B3GALT1: variants seen among roughly 807,000 people sequenced by gnomAD.
The protein encoded by B3GALT1 is UDP-Gal:betaGlcNAc beta 1,3-galactosyltransferase, polypeptide 1.
A neutral mutation model predicts 23.2 loss-of-function variants in B3GALT1; 10 were observed. That is an observed-to-expected ratio of 0.43 (90% confidence interval 0.27 to 0.73). B3GALT1 has a LOEUF of 0.73. Ranked by LOEUF, B3GALT1 falls within the 30% of genes least tolerant of loss-of-function variation. B3GALT1 has a pLI of 0.21. For missense variants in B3GALT1, 299 were observed against 405.4 expected, an observed-to-expected ratio of 0.74 and a Z score of 2.25; for synonymous variants, 156 against 141.5, an observed-to-expected ratio of 1.10 and a Z score of -0.73.
rs184577372 is a variant in B3GALT1 at position 167,865,543 on chromosome 2, G to C, written c.-229-3268G>C. Among the ~76,000 whole-genome samples the C allele has an allele frequency of 3.6e-3, 544 of 152,328 alleles. 6 individuals carry two copies. The highest frequency in any genetic ancestry group is 0.012 in the African/African-American group (516 of 41,572). On this transcript the variant is annotated intron_variant, in intron 4 of 4. Coordinates refer to ENST00000392690, the MANE Select transcript of B3GALT1 (RefSeq NM_020981.4). ...ACAGTGGCTCACGCCTGTAATCCCA[G>C]CATTCTGGGAGGCCGAGGCGGGCAG...
chr2:167,731,061 A>G (rs1474794773), intron 3 of B3GALT1, among the ~76,000 whole-genome samples: 1 of 152,184 alleles, frequency 6.6e-6, no homozygotes, highest in Non-Finnish European at 1.5e-5. Flanking sequence ...ACTTGAACCC[A>G]GGAAACATGG....
chr2:167,548,656 C>T (rs75181401), intron 2 of B3GALT1, among the ~76,000 whole-genome samples: 3,722 of 150,062 alleles, frequency 0.025, 167 homozygotes, highest in East Asian at 0.18. Flanking sequence ...CCATACCAGC[C>T]CTGGATTGCC....
chr2:167,368,056 A>G (rs911599492), intron 1 of B3GALT1, among the ~76,000 whole-genome samples: 2 of 152,240 alleles, frequency 1.3e-5, no homozygotes, highest in African/African-American at 4.8e-5. Context: ...CTAAAAAGCA[A>G]GAGGACCAAA....
At chr2:167,314,762 C>G (rs540108257) in intron 1 of B3GALT1, among the ~76,000 whole-genome samples, 1 of 152,154 alleles carries the variant, frequency 6.6e-6, no homozygotes, top group East Asian at 1.9e-4. Context: ...AATAATGACT[C>G]TATTTTGTAT....
At chr2:167,376,619 T>G (rs1218228369) in intron 1 of B3GALT1, among the ~76,000 whole-genome samples, 1 of 152,078 alleles carries the variant, frequency 6.6e-6, no homozygotes, top group Middle Eastern at 3.2e-3. Context: ...TCTTCTAGTT[T>G]GTGTGTGTAG....
intron 2 of B3GALT1, among the ~76,000 whole-genome samples, chr2:167,516,356 GTTTTGTTTTTGCTTTTGT>G: frequency 6.6e-6 from 1 of 152,002 alleles, no homozygotes; most frequent in East Asian, 1.9e-4. Context: ...ATAAACCTGA[GTTTTGTTTTTGCTTTTGT>G]TTTTGTTTTG....
chr2:167,504,778 G>C (rs1699896321), intron 2 of B3GALT1, among the ~76,000 whole-genome samples: 1 of 152,160 alleles, frequency 6.6e-6, no homozygotes, highest in South Asian at 2.1e-4. Context: ...ATTGCCTATA[G>C]TATTTAGTAC....
At chr2:167,507,504 CAAAAA>C (rs60408245) in intron 2 of B3GALT1, among the ~76,000 whole-genome samples, 4 of 26,610 alleles carry the variant, frequency 1.5e-4, no homozygotes, top group Admixed American at 5.1e-4. Context: ...GACTCCGTCT[CAAAAA>C]AAAAAAAAAA....
chr2:167,366,037 A>AGTATTAGGAAAT (rs1697579419), intron 1 of B3GALT1, among the ~76,000 whole-genome samples: 1 of 152,238 alleles, frequency 6.6e-6, no homozygotes, highest in African/African-American at 2.4e-5. Flanking sequence ...TGCAGAGAAC[A>AGTATTAGGAAAT]GTATTAGGAA....
chr2:167,857,326 C>T (rs568095677), intron 4 of B3GALT1, among the ~76,000 whole-genome samples: 15 of 152,054 alleles, frequency 9.9e-5, no homozygotes. Context: ...ATTGTAATCC[C>T]TCTTCACAGA....
At chr2:167,728,838 C>A (rs1446085196) in intron 3 of B3GALT1, among the ~76,000 whole-genome samples, 2 of 151,864 alleles carry the variant, frequency 1.3e-5, no homozygotes, top group African/African-American at 4.8e-5. Context: ...GCAGTATATA[C>A]CTTTGTACTG....
chr2:167,564,609 C>T (rs1684114317), intron 2 of B3GALT1, among the ~76,000 whole-genome samples: 1 of 152,216 alleles, frequency 6.6e-6, no homozygotes, highest in South Asian at 2.1e-4. Context: ...GTCTGCAATC[C>T]CGGCACCTCG....
chr2:167,627,032 G>C (rs926059610), intron 2 of B3GALT1, among the ~76,000 whole-genome samples: 2 of 151,658 alleles, frequency 1.3e-5, no homozygotes, highest in Admixed American at 1.3e-4. Context: ...AGGAAGGCAA[G>C]GGCTAAGTGT....
At chr2:167,762,716 C>T (rs1302949598) in intron 3 of B3GALT1, among the ~76,000 whole-genome samples, 1 of 152,150 alleles carries the variant, frequency 6.6e-6, no homozygotes, top group Non-Finnish European at 1.5e-5. Context: ...GACTGGGCTC[C>T]TTTCTGGAGA....
At chr2:167,371,220 G>A (rs985256628) in intron 1 of B3GALT1, among the ~76,000 whole-genome samples, 1 of 151,884 alleles carries the variant, frequency 6.6e-6, no homozygotes, top group Admixed American at 6.6e-5. Flanking sequence ...TATCCCCAAT[G>A]CCTTGTCGTA....
At chr2:167,374,755 T>G (rs762347811) in intron 1 of B3GALT1, among the ~76,000 whole-genome samples, 12 of 152,202 alleles carry the variant, frequency 7.9e-5, no homozygotes, top group Non-Finnish European at 1.5e-4. Context: ...CTTTGTTGGA[T>G]GCATAGTTTG....
intron 2 of B3GALT1, among the ~76,000 whole-genome samples, chr2:167,500,032 A>C (rs1405656321): frequency 6.6e-6 from 1 of 152,052 alleles, no homozygotes; most frequent in Non-Finnish European, 1.5e-5. Flanking sequence ...TCCAAGAGAG[A>C]TAAAATGGCC....
chr2:167,522,181 A>G (rs1430609575), intron 2 of B3GALT1, among the ~76,000 whole-genome samples: 1 of 151,872 alleles, frequency 6.6e-6, no homozygotes, highest in East Asian at 1.9e-4. Context: ...AACTTTTATG[A>G]GACCTGCTTT....
chr2:167,672,008 A>G (rs928026965), intron 3 of B3GALT1, among the ~76,000 whole-genome samples: 2 of 152,172 alleles, frequency 1.3e-5, no homozygotes, highest in Non-Finnish European at 2.9e-5. Flanking sequence ...ACACCAATAG[A>G]TTGGATAAAC....
Sources: allele counts gnomAD v4.1 joint callset (sites outside exome capture counted in the v4.1 genomes callset), GRCh38; gene constraint gnomAD v4.1.1; transcripts MANE v1.5; gene names NCBI Gene and HGNC (gene_info 2026-07-23, HGNC 2026-07-21).